The following SSUH2 variants were observed in gnomAD, a reference collection of about 807,000 sequenced individuals.
SSUH2 encodes the protein protein SSUH2 homolog.
In SSUH2, 47 loss-of-function variants were observed where a neutral mutation model predicts 55.3. The observed-to-expected ratio is 0.85, with a 90% CI of 0.67 to 1.08. SSUH2 has a LOEUF of 1.08. SSUH2 is among the 50% of genes least tolerant of loss of function. The pLI, the probability that SSUH2 is intolerant of heterozygous loss-of-function variation, is 0.00. For missense variants in SSUH2, 535 were observed against 490.7 expected (o/e 1.09, Z -0.85); for synonymous variants, 212 against 191.5 (o/e 1.11, Z -0.89).
intron 3 of SSUH2, among the ~76,000 whole-genome samples, chr3:8,676,479 A>G (rs185955273): frequency 9.3e-5 from 14 of 150,872 alleles, no homozygotes; most frequent in African/African-American, 3.4e-4. Flanking sequence ...ACATGTAGTC[A>G]TATCACCCCC....
intron 11 of SSUH2, 42 bp downstream of exon 11, chr3:8,623,507 G>A (rs763079003): frequency 9.2e-5 from 109 of 1,178,748 alleles, no homozygotes; most frequent in Non-Finnish European, 1.3e-4. Flanking sequence ...AGCAGCCCAG[G>A]AAGAGACGTC....
At chr3:8,629,324 C>G in intron 7 of SSUH2, 1 of 294,402 alleles carries the variant, frequency 3.4e-6, no homozygotes. Flanking sequence ...GTTTCCCTGG[C>G]TGACAAAGAC....
At position 8,632,117 on chromosome 3, in the gene SSUH2, G is replaced by A. The variant is rs1469331175; in HGVS notation, c.340-8C>T. ...AAAGGTCTCCAGACGGTACTAAAAG[G>A]AAAAAAACAGCATGTTCACACTCGT... On this transcript the variant is annotated splice_polypyrimidine_tract_variant and splice_region_variant and intron_variant, in intron 4 of 11. Coordinates refer to ENST00000544814, the MANE Select transcript of SSUH2 (RefSeq NM_001256748.3). 2 of 1,612,458 alleles carry A rather than the reference G, an allele frequency of 1.2e-6. No individual in the cohort carries two copies. Among genetic ancestry groups the A allele is most frequent in the Non-Finnish European group, 1.7e-6 (2 of 1,178,838 alleles).
chr3:8,638,546 T>C (rs996209788), intron 1 of SSUH2, among the ~76,000 whole-genome samples: 1 of 152,180 alleles, frequency 6.6e-6, no homozygotes, highest in Non-Finnish European at 1.5e-5. Context: ...TTCTGACATG[T>C]CACCTTGGGC....
intron 1 of SSUH2, among the ~76,000 whole-genome samples, chr3:8,641,645 T>A (rs1010610511): frequency 6.6e-6 from 1 of 152,194 alleles, no homozygotes; most frequent in Non-Finnish European, 1.5e-5. Context: ...AAAGACCAGA[T>A]GGGCCCCTAG....
intron 1 of SSUH2, among the ~76,000 whole-genome samples, chr3:8,642,676 C>T (rs1441066523): frequency 1.3e-5 from 2 of 152,208 alleles, no homozygotes; most frequent in Non-Finnish European, 2.9e-5. Context: ...GAAAGGTTTT[C>T]TCCCCCTGAA....
At chr3:8,660,751 G>A (rs115120295) in intron 6 of SSUH2, among the ~76,000 whole-genome samples, 217 of 152,320 alleles carry the variant, frequency 1.4e-3, no homozygotes, top group African/African-American at 5.0e-3. Flanking sequence ...ATGATTAGCT[G>A]CTTTTGTTTT....
upstream of SSUH2, among the ~76,000 whole-genome samples, chr3:8,645,198 G>T (rs1485565239): frequency 6.6e-6 from 1 of 152,200 alleles, no homozygotes; most frequent in Non-Finnish European, 1.5e-5. Flanking sequence ...ATAACCACAA[G>T]AAGGTTACCT....
intron 1 of SSUH2, among the ~76,000 whole-genome samples, chr3:8,642,852 T>A (rs992450376): frequency 6.6e-6 from 1 of 152,174 alleles, no homozygotes; most frequent in Non-Finnish European, 1.5e-5. Flanking sequence ...AAAAAAAATC[T>A]ACCTGGTTTC....
At chr3:8,632,971 A>G (rs553349842) in intron 4 of SSUH2, among the ~76,000 whole-genome samples, 1 of 152,270 alleles carries the variant, frequency 6.6e-6, no homozygotes, top group South Asian at 2.1e-4. Flanking sequence ...TTCTAGCTGC[A>G]TCTTCTTGGG....
rs765536056 is a variant in SSUH2 at position 8,630,791 on chromosome 3, G to A, written c.525+14C>T. 2.0e-5 allele frequency: 27 copies of A among 1,377,450 alleles called. No homozygotes were observed. Among genetic ancestry groups the A allele is most frequent in the African/African-American group, 3.0e-5 (2 of 67,078 alleles). The allele number at this position is 1,377,450 out of a possible 1,614,324, so 85.3% of individuals were successfully genotyped here. ...GAAGGGCAAGTATTCCAGTAATCGC[G>A]TTAATCGTATTACCTTGACCAGTGA... On this transcript the variant is annotated intron_variant, in intron 6 of 11. Coordinates refer to ENST00000544814, the MANE Select transcript of SSUH2 (RefSeq NM_001256748.3).
At chr3:8,644,288 T>C (rs1281079923) in intron 1 of SSUH2, among the ~76,000 whole-genome samples, 2 of 152,156 alleles carry the variant, frequency 1.3e-5, no homozygotes, top group Admixed American at 1.3e-4. Flanking sequence ...CCAATTGTGA[T>C]TGAAATAAGA....
At chr3:8,641,504 G>A (rs934837341) in intron 1 of SSUH2, among the ~76,000 whole-genome samples, 27 of 152,270 alleles carry the variant, frequency 1.8e-4, no homozygotes, top group Non-Finnish European at 2.8e-4. Flanking sequence ...AGAGCCTGGG[G>A]ATCCTGTCTA....
In SSUH2 at chr3:8,637,429, A is replaced by G. The variant is rs147082352; in HGVS notation, c.29-1572T>C. 5.2e-3 allele frequency among the ~76,000 whole-genome samples: 793 copies of G among 152,308 alleles called. 13 individuals carry two copies. Among genetic ancestry groups the G allele is most frequent in the African/African-American group, 0.018 (758 of 41,568 alleles). Reference sequence around the variant, plus strand: ...CCCCTGAAGCACTGGAAGGTTCATGAAACACCTTCCCACACATGTTGCCTC... The same window carrying G: ...CCCCTGAAGCACTGGAAGGTTCATGGAACACCTTCCCACACATGTTGCCTC... On this transcript the variant is annotated intron_variant, in intron 1 of 11. Transcript: ENST00000544814.
At chr3:8,633,578 C>G in intron 4 of SSUH2, 88 bp downstream of exon 4, 1 of 1,139,356 alleles carries the variant, frequency 8.8e-7, no homozygotes, top group South Asian at 1.8e-5. Flanking sequence ...TTCCCCTGGC[C>G]ACATCACACA....
At chr3:8,681,117 G>A (rs1172129086) in intron 1 of SSUH2, among the ~76,000 whole-genome samples, 2 of 96,530 alleles carry the variant, frequency 2.1e-5, no homozygotes, top group African/African-American at 5.9e-5. Context: ...CGGGTTCTGA[G>A]AGCCAGCCCC....
intron 1 of SSUH2, among the ~76,000 whole-genome samples, chr3:8,640,253 T>G (rs1183483191): frequency 1.3e-5 from 2 of 152,012 alleles, no homozygotes; most frequent in Admixed American, 1.3e-4. Flanking sequence ...TTATCACAAA[T>G]AAAAACAACT....
At chr3:8,674,427 C>A (rs1210011748) in intron 3 of SSUH2, among the ~76,000 whole-genome samples, 1 of 152,184 alleles carries the variant, frequency 6.6e-6, no homozygotes, top group Non-Finnish European at 1.5e-5. Context: ...GGAGACCGGG[C>A]TCAAGTGTCC....
intron 8 of SSUH2, chr3:8,627,345 G>A (rs568002881): frequency 5.1e-5 from 11 of 214,248 alleles, no homozygotes; most frequent in Non-Finnish European, 1.0e-4. Flanking sequence ...CTGATCCTCA[G>A]TGAGTTAAAA....
Sources: allele counts gnomAD v4.1 joint callset (sites outside exome capture counted in the v4.1 genomes callset), GRCh38; gene constraint gnomAD v4.1.1; transcripts MANE v1.5; gene names NCBI Gene and HGNC (gene_info 2026-07-23, HGNC 2026-07-21).